ACOT1: variants seen among roughly 807,000 people sequenced by gnomAD.
The protein encoded by ACOT1 is acyl-coenzyme A thioesterase 1.
ACOT1 carries 8 observed loss-of-function variants against 15.7 expected under a neutral mutation model. The ratio of observed to expected loss-of-function variants is 0.51; its 90% CI spans 0.30 to 0.92. ACOT1 has a LOEUF of 0.92. ACOT1 is among the 40% of genes least tolerant of loss of function. The pLI is 0.06. For missense variants in ACOT1, 151 were observed against 539.4 expected (o/e 0.28, Z 7.13); for synonymous variants, 67 against 241.2 (o/e 0.28, Z 6.69).
At chr14:73,498,168 C>T in the ACOT1 span, 27 of 1,611,670 alleles carry the variant, frequency 1.7e-5, no homozygotes, top group South Asian at 8.8e-5. Context: ...AGAACAGCAT[C>T]GTGGTTCTCC....
Position 73,537,819 on chromosome 14 carries a change from G to C in ACOT1, c.398G>C (p.Gly133Ala). Residue 133 changes from glycine to alanine, a missense_variant, in exon 1 of 3, where the codon GGG (glycine) becomes GCG (alanine). Gly to Ala is a moderately conservative substitution (Grantham distance 60, BLOSUM62 0). Coordinates refer to ENST00000311148, the MANE Select transcript of ACOT1 (RefSeq NM_001037161.2). ...CACGAGCGCTACTTCCTCCCGCCCGGGGTGCGGCGCGAGCCGGTGCGCGCG... is the reference window on the plus strand; with the variant it reads ...CACGAGCGCTACTTCCTCCCGCCCGCGGTGCGGCGCGAGCCGGTGCGCGCG... ...VRHERYFLPP[G>A]VRREPVRAGR... The C allele has an allele frequency of 1.6e-6, 2 of 1,212,648 alleles. 1 individual carries two copies. 75.1% of individuals were successfully genotyped at this position (1,212,648 alleles called of 1,614,324 possible).
chr14:73,532,151 A>G, upstream of ACOT1, among the ~76,000 whole-genome samples: 2 of 116,250 alleles, frequency 1.7e-5, 1 homozygote, highest in Non-Finnish European at 3.8e-5. Context: ...TAGCTCTGGC[A>G]GGCGTCAGAT....
chr14:73,510,590 C>T, the ACOT1 span, among the ~76,000 whole-genome samples: 1 of 152,236 alleles, frequency 6.6e-6, no homozygotes, highest in East Asian at 1.9e-4. Flanking sequence ...CACCTGTCAC[C>T]ACGCCTGGCT....
chr14:73,494,659 T>G, the ACOT1 span, among the ~76,000 whole-genome samples: 1 of 152,184 alleles, frequency 6.6e-6, no homozygotes, highest in Admixed American at 6.6e-5. Context: ...CAAGCAATCC[T>G]CCCATCTCAG....
the ACOT1 span, among the ~76,000 whole-genome samples, chr14:73,495,791 T>C: frequency 1.3e-5 from 2 of 152,208 alleles, no homozygotes; most frequent in African/African-American, 4.8e-5. Context: ...TTTAAAGTCC[T>C]TTCCCCTCTA....
At chr14:73,505,418 A>G in the ACOT1 span, among the ~76,000 whole-genome samples, 2 of 147,900 alleles carry the variant, frequency 1.4e-5, no homozygotes, top group Non-Finnish European at 3.0e-5. Context: ...GTTTTTTGAG[A>G]CAGAGTCTCG....
chr14:73,514,925 G>C, the ACOT1 span, among the ~76,000 whole-genome samples: 4 of 152,052 alleles, frequency 2.6e-5, no homozygotes, highest in African/African-American at 9.6e-5. Context: ...AAAATTGGCC[G>C]GGCATGGTGG....
chr14:73,509,867 T>C, the ACOT1 span, among the ~76,000 whole-genome samples: 1 of 81,000 alleles, frequency 1.2e-5, no homozygotes, highest in South Asian at 3.1e-4. Context: ...TATATATATA[T>C]ATTTATTTAT....
the ACOT1 span, chr14:73,531,059 T>C: frequency 1.5e-3 from 155 of 106,402 alleles, 6 homozygotes; most frequent in African/African-American, 4.3e-3. Context: ...TCCAAAGTTT[T>C]TTCAGCTACC....
the ACOT1 span, among the ~76,000 whole-genome samples, chr14:73,515,280 T>G: frequency 0.02 from 3,045 of 152,278 alleles, 117 homozygotes; most frequent in African/African-American, 0.069. Flanking sequence ...CCATTTCTGT[T>G]TTTTTCCAAG....
upstream of ACOT1, among the ~76,000 whole-genome samples, chr14:73,534,198 G>A (rs1257027479): frequency 8.9e-6 from 1 of 112,448 alleles, no homozygotes; most frequent in African/African-American, 2.9e-5. Flanking sequence ...GGCCAACATG[G>A]TGAAACCTCG....
At chr14:73,508,375 G>A in the ACOT1 span, 4 of 1,219,568 alleles carry the variant, frequency 3.3e-6, no homozygotes, top group Non-Finnish European at 4.7e-6. Flanking sequence ...GATACCCAAG[G>A]CTGCTACCCC....
chr14:73,500,769 C>T, the ACOT1 span: 1 of 1,587,746 alleles, frequency 6.3e-7, no homozygotes, highest in Non-Finnish European at 8.6e-7. Flanking sequence ...CCTCCTTAAA[C>T]TTTCAGTACC....
chr14:73,505,161 C>T, the ACOT1 span, among the ~76,000 whole-genome samples: 3 of 152,188 alleles, frequency 2.0e-5, no homozygotes, highest in Admixed American at 1.3e-4. Flanking sequence ...AAGTGATCCA[C>T]CCGCCTCAGC....
the ACOT1 span, among the ~76,000 whole-genome samples, chr14:73,495,749 C>T: frequency 6.6e-6 from 1 of 152,190 alleles, no homozygotes; most frequent in African/African-American, 2.4e-5. Context: ...GAATTGCTTG[C>T]TTGATGTGAA....
the ACOT1 span, among the ~76,000 whole-genome samples, chr14:73,513,315 C>T: frequency 6.6e-6 from 1 of 151,878 alleles, no homozygotes; most frequent in African/African-American, 2.4e-5. Flanking sequence ...AAAAATTAGC[C>T]AGACATCATG....
the ACOT1 span, among the ~76,000 whole-genome samples, chr14:73,528,354 T>C: frequency 1.6e-5 from 2 of 124,632 alleles, no homozygotes; most frequent in Non-Finnish European, 3.1e-5. Context: ...ATCGCGCCAC[T>C]GGACTCCAGC....
At chr14:73,531,193 G>C in the ACOT1 span, 1 of 113,234 alleles carries the variant, frequency 8.8e-6, no homozygotes, top group African/African-American at 2.9e-5. Context: ...GAGAAGCAAG[G>C]TTCTGCATCT....
the ACOT1 span, among the ~76,000 whole-genome samples, chr14:73,505,199 G>C: frequency 3.4e-4 from 52 of 152,274 alleles, no homozygotes; most frequent in African/African-American, 1.2e-3. Flanking sequence ...TTACAGGCAT[G>C]AGCCACCGTA....
Sources: gnomAD v4.1 joint callset for allele counts (sites outside exome capture counted in the v4.1 genomes callset) on GRCh38, gnomAD v4.1.1 for gene constraint, MANE v1.5 for transcripts, NCBI Gene and HGNC (gene_info 2026-07-23, HGNC 2026-07-21) for gene names.